Variants in MCF2L2 observed in about 807,000 individuals in gnomAD.
MCF2L2 encodes MCF.2 cell line derived transforming sequence-like 2, also known as probable guanine nucleotide exchange factor MCF2L2.
MCF2L2 carries 102 observed loss-of-function variants against 150.2 expected under a neutral mutation model. The ratio of observed to expected loss-of-function variants is 0.68; its 90% CI spans 0.58 to 0.80. MCF2L2 has a LOEUF of 0.80. Among genes scored for constraint, MCF2L2 ranks in the 30% least tolerant of loss-of-function variants. The pLI, the probability that MCF2L2 is intolerant of heterozygous loss-of-function variation, is 0.00. For missense variants in MCF2L2, 1,256 were observed against 1,372.8 expected (o/e 0.91, Z 1.34); for synonymous variants, 465 against 491.3 (o/e 0.95, Z 0.71).
chr3:183,256,109 G>T (rs1725023343), intron 15 of MCF2L2, among the ~76,000 whole-genome samples: 3 of 152,228 alleles, frequency 2.0e-5, no homozygotes. Context: ...ATATGCTGAA[G>T]TAAATAGATC....
intron 15 of MCF2L2, among the ~76,000 whole-genome samples, chr3:183,262,725 G>C (rs912949667): frequency 6.7e-6 from 1 of 150,240 alleles, no homozygotes; most frequent in Non-Finnish European, 1.5e-5. Flanking sequence ...GGGTGGGGGG[G>C]ACAGAGCCTG....
chr3:183,243,042 A>C (rs1446931424), intron 15 of MCF2L2, among the ~76,000 whole-genome samples: 1 of 152,140 alleles, frequency 6.6e-6, no homozygotes, highest in East Asian at 1.9e-4. Context: ...AATTTCTCCC[A>C]TTTTGAACAG....
intron 2 of MCF2L2, 105 bp downstream of exon 2, chr3:183,389,591 G>A (rs2108598023): frequency 4.2e-6 from 4 of 944,544 alleles, no homozygotes; most frequent in South Asian, 2.8e-5. Context: ...AGCCTAAGGG[G>A]TGAGTGAGAT....
intron 1 of MCF2L2, among the ~76,000 whole-genome samples, chr3:183,414,498 T>C (rs1715484247): frequency 6.6e-6 from 1 of 152,208 alleles, no homozygotes; most frequent in Non-Finnish European, 1.5e-5. Flanking sequence ...GTTAATTTTT[T>C]CAATTAATCA....
chr3:183,363,166 A>C (rs979990712), intron 3 of MCF2L2, among the ~76,000 whole-genome samples: 2 of 152,226 alleles, frequency 1.3e-5, no homozygotes, highest in Non-Finnish European at 2.9e-5. Flanking sequence ...GCAAAGAGCA[A>C]CAGGAACTCT....
chr3:183,373,025 T>G (rs1404158773), intron 3 of MCF2L2: 1 of 152,210 alleles, frequency 6.6e-6, no homozygotes, highest in African/African-American at 2.4e-5. Context: ...TCAGAATATT[T>G]TACTAATGTC....
At chr3:183,248,732 G>A (rs1724376330) in intron 15 of MCF2L2, among the ~76,000 whole-genome samples, 1 of 152,132 alleles carries the variant, frequency 6.6e-6, no homozygotes, top group African/African-American at 2.4e-5. Flanking sequence ...CCACTACTCA[G>A]GAGGCTGAGA....
In MCF2L2 at chr3:183,215,988, G is replaced by A; in HGVS notation, c.2477C>T (p.Ala826Val). 6.2e-7 allele frequency: 1 copy of A among 1,613,770 alleles called. No individual in the cohort carries two copies. Among genetic ancestry groups the A allele is most frequent in the Non-Finnish European group, 8.5e-7 (1 of 1,179,832 alleles). The change falls in exon 22 of 30, where the codon GCA (alanine) becomes GTA (valine). Residue 826 changes from alanine to valine, a missense_variant. By Grantham distance (64) the Ala-to-Val change is moderately conservative. Transcript: ENST00000328913. The stretch of plus-strand genomic sequence containing the variant: ...ACATACCGGACATTCAGTCACTGCT[G>A]CTAGGTCCACAGCCAACTCACAGGA... The part of the protein sequence containing the change: ...IKSCELAVDL[A>V]AVTECPDDIG...
Position 183,338,879 on chromosome 3 carries a change from C to A in MCF2L2, c.407G>T (p.Arg136Leu). Residue 136 changes from arginine to leucine, a missense_variant, in exon 5 of 30, where the codon CGT (arginine) becomes CTT (leucine). By Grantham distance (102) the Arg-to-Leu change is moderately radical. Transcript: ENST00000328913. ...PGNLQLIFIL[R>L]PSRFIQRTFT... The stretch of plus-strand genomic sequence containing the variant: ...TGTCCTCTGGATAAAGCGAGATGGA[C>A]GAAGGATGAATATGAGCTGTAAGTT... 1 of 1,605,714 alleles carries A rather than the reference C, an allele frequency of 6.2e-7. No homozygotes were observed. The highest frequency in any genetic ancestry group is 8.5e-7 in the Non-Finnish European group (1 of 1,174,034).
intron 10 of MCF2L2, among the ~76,000 whole-genome samples, chr3:183,307,876 T>G (rs968991010): frequency 3.3e-5 from 5 of 152,238 alleles, no homozygotes; most frequent in African/African-American, 4.8e-5. Context: ...TCTAGCAATG[T>G]TCCTTGAACT....
intron 27 of MCF2L2, among the ~76,000 whole-genome samples, chr3:183,188,024 C>T (rs1721757066): frequency 6.6e-6 from 1 of 152,166 alleles, no homozygotes; most frequent in Non-Finnish European, 1.5e-5. Flanking sequence ...TTAACAAAGG[C>T]CGAGAGGGAC....
chr3:183,277,556 G>C (rs1174177642), intron 14 of MCF2L2, among the ~76,000 whole-genome samples: 1 of 151,666 alleles, frequency 6.6e-6, no homozygotes, highest in Non-Finnish European at 1.5e-5. Flanking sequence ...GCCCAGTGTA[G>C]GCTTTCACAG....
intron 15 of MCF2L2, among the ~76,000 whole-genome samples, chr3:183,255,524 G>A (rs1724963761): frequency 1.3e-5 from 2 of 152,188 alleles, no homozygotes; most frequent in African/African-American, 4.8e-5. Flanking sequence ...GGCTGACTCA[G>A]GCTGACCCTT....
Position 183,361,107 on chromosome 3 carries a change from A to AAGACAAGAC in MCF2L2, c.275+18189_275+18190insGTCTTGTCT, listed in dbSNP as rs1560040349. On this transcript the variant is annotated intron_variant, in intron 3 of 29. Coordinates refer to ENST00000328913, the MANE Select transcript of MCF2L2 (RefSeq NM_015078.4). ...CAAGACAAGACAAGACAAGACAAGAAAAGAAAAAAGAAAAAGAAAAGAAAA... is the reference window on the plus strand; with the variant it reads ...CAAGACAAGACAAGACAAGACAAGAAAGACAAGACAAGAAAAAAGAAAAAGAAAAGAAAA... Among the ~76,000 whole-genome samples the AAGACAAGAC allele has an allele frequency of 7.8e-4, 71 of 91,588 alleles. 4 individuals carry two copies. The highest frequency in any genetic ancestry group is 5.2e-3 in the African/African-American group (68 of 13,008). 60.1% of individuals were successfully genotyped at this position (91,588 alleles called of 152,430 possible).
At position 183,229,717 on chromosome 3, in the gene MCF2L2, T is replaced by C. The variant is rs376530912; in HGVS notation, c.1994A>G (p.Asn665Ser). The C allele has an allele frequency of 8.7e-6, 14 of 1,605,284 alleles. No homozygotes were observed. Among genetic ancestry groups the C allele is most frequent in the Non-Finnish European group, 1.1e-5 (13 of 1,173,440 alleles). ...AATATTCCCAAAGAGAAAGTCCTTG[T>C]TATTCTGAAGAACATCTGGAATTAG... ...KHLIPDVLQNNKDFLFGNIRE... is the reference protein window; with the variant it reads ...KHLIPDVLQNSKDFLFGNIRE... The change falls in exon 17 of 30, where the codon AAC becomes AGC. Residue 665 changes from asparagine to serine, a missense_variant. By Grantham distance (46) the Asn-to-Ser change is conservative (BLOSUM62 1). Transcript: ENST00000328913.
intron 15 of MCF2L2, chr3:183,269,466 T>C (rs1473687265): frequency 4.2e-6 from 1 of 236,978 alleles, no homozygotes; most frequent in Non-Finnish European, 8.1e-6. Flanking sequence ...ACCCACGCGA[T>C]TGTGATTCTT....
intron 14 of MCF2L2, among the ~76,000 whole-genome samples, chr3:183,285,672 A>G (rs772643134): frequency 8.5e-5 from 13 of 152,064 alleles, no homozygotes; most frequent in Non-Finnish European, 2.9e-5. Flanking sequence ...TATTTTTTTA[A>G]TTTAGGAGGC....
intron 15 of MCF2L2, among the ~76,000 whole-genome samples, chr3:183,257,958 C>CA (rs779026571): frequency 1.3e-3 from 82 of 64,746 alleles, no homozygotes; most frequent in Admixed American, 1.7e-3. Context: ...CCACTTCACC[C>CA]TTTTTTTTTT....
rs1342762292 is a variant in MCF2L2, at chr3:183,193,157, C to T, written c.2919-61G>A. 3 of 1,398,204 alleles carry T rather than the reference C, an allele frequency of 2.1e-6. No individual in the cohort carries two copies. In the Admixed American group the frequency reaches 5.0e-5, roughly 23 times the overall value. The allele number at this position is 1,398,204 out of a possible 1,614,324, so 86.6% of individuals were successfully genotyped here. A position where few individuals can be genotyped will look rare whatever the true frequency, so the allele number is the denominator to read the frequency against. ...AAGGAATGACACACGCATCCCTCCC[C>T]CACCAGTTGGAGTAACGCTGGCCCA... On this transcript the variant is annotated intron_variant, in intron 26 of 29. Coordinates refer to ENST00000328913, the MANE Select transcript of MCF2L2 (RefSeq NM_015078.4).
Sources: gnomAD v4.1 joint callset for allele counts (sites outside exome capture counted in the v4.1 genomes callset) on GRCh38, gnomAD v4.1.1 for gene constraint, MANE v1.5 for transcripts, NCBI Gene and HGNC (gene_info 2026-07-23, HGNC 2026-07-21) for gene names.